CELF1: variants seen among roughly 807,000 people sequenced by gnomAD.
The protein encoded by CELF1 is 50 kDa nuclear polyadenylated RNA-binding protein.
Under a neutral mutation model 61.8 loss-of-function variants are expected in CELF1, and 10 were observed. That is an observed-to-expected ratio of 0.16 (90% confidence interval 0.10 to 0.27). The LOEUF is 0.27. Among genes scored for constraint, CELF1 ranks in the 10% least tolerant of loss-of-function variants. CELF1 has a pLI of 1.00. For missense variants in CELF1, 380 were observed against 639.1 expected, an observed-to-expected ratio of 0.59 and a Z score of 4.37; for synonymous variants, 236 against 225.1, an observed-to-expected ratio of 1.05 and a Z score of -0.43.
At chr11:47,540,017 G>T (rs111569651) in intron 1 of CELF1, among the ~76,000 whole-genome samples, 4 of 152,260 alleles carry the variant, frequency 2.6e-5, no homozygotes, top group African/African-American at 9.6e-5. Flanking sequence ...GATTTGCCCA[G>T]CTTGGGCCAG....
intron 2 of CELF1, among the ~76,000 whole-genome samples, chr11:47,560,142 T>G (rs1417533438): frequency 6.6e-6 from 1 of 151,950 alleles, no homozygotes; most frequent in Non-Finnish European, 1.5e-5. Context: ...TGTACAAACA[T>G]TAGCTGGGCG....
Position 47,499,562 on chromosome 11 carries a change from T to A in CELF1, c.-39A>T, listed in dbSNP as rs768452540. On this transcript the variant is annotated 5_prime_UTR_variant, in exon 3 of 15. Transcript: ENST00000687097. ...CCTTCAGAAGCCAATGATATTAACT[T>A]GCTGCACTTGTCTGATCCACAAATA... 6.8e-7 allele frequency: 1 copy of A among 1,473,368 alleles called. No individual in the cohort carries two copies. The highest frequency in any genetic ancestry group is 1.2e-5 in the South Asian group (1 of 82,664). The allele number at this position is 1,473,368 out of a possible 1,614,324, so 91.3% of individuals were successfully genotyped here. A position where few individuals can be genotyped will look rare whatever the true frequency, so the allele number is the denominator to read the frequency against.
intron 14 of CELF1, among the ~76,000 whole-genome samples, chr11:47,472,717 T>G (rs1364813106): frequency 3.9e-5 from 6 of 152,086 alleles, no homozygotes; most frequent in African/African-American, 1.4e-4. Context: ...CACGTCTGAC[T>G]AATTTTTTGT....
intron 1 of CELF1, among the ~76,000 whole-genome samples, chr11:47,503,686 T>A (rs1198095080): frequency 1.3e-5 from 2 of 152,210 alleles, no homozygotes; most frequent in Non-Finnish European, 2.9e-5. Context: ...ACTTAAATTT[T>A]TGCACAGTAC....
At chr11:47,509,467 C>T (rs1316781698) in intron 1 of CELF1, among the ~76,000 whole-genome samples, 2 of 152,156 alleles carry the variant, frequency 1.3e-5, no homozygotes, top group East Asian at 1.9e-4. Context: ...GGCAGGAGCA[C>T]TGTTTGAGCC....
upstream of CELF1, among the ~76,000 whole-genome samples, chr11:47,553,358 C>T (rs961631097): frequency 1.3e-5 from 2 of 152,146 alleles, no homozygotes; most frequent in African/African-American, 2.4e-5. Flanking sequence ...GAGCCCTCAA[C>T]CTAGGGAGCT....
rs185070539 is a variant in CELF1 at position 47,517,124 on chromosome 11, G to A, written c.-153-16192C>T. ...TAGCTGGGTGTGGTGGCACGTGCCTGTAGTCCCAGTTACTTGGGAAGCTGA... is the reference window on the plus strand; with the variant it reads ...TAGCTGGGTGTGGTGGCACGTGCCTATAGTCCCAGTTACTTGGGAAGCTGA... On this transcript the variant is annotated intron_variant, in intron 1 of 14. Coordinates refer to ENST00000687097, the MANE Select transcript of CELF1 (RefSeq NM_001376376.1). Among the ~76,000 whole-genome samples the A allele has an allele frequency of 3.3e-5, 5 of 152,076 alleles. No homozygotes were observed. In the East Asian group the frequency reaches 9.7e-4, roughly 30 times the overall value.
intron 6 of CELF1, among the ~76,000 whole-genome samples, chr11:47,485,335 C>A (rs1338293427): frequency 6.6e-6 from 1 of 152,144 alleles, no homozygotes; most frequent in Non-Finnish European, 1.5e-5. Context: ...TATGTACCAC[C>A]ACACCCAGCT....
At chr11:47,507,311 C>A (rs920904400) in intron 1 of CELF1, among the ~76,000 whole-genome samples, 1 of 152,086 alleles carries the variant, frequency 6.6e-6, no homozygotes, top group South Asian at 2.1e-4. Flanking sequence ...AATTAAGGAT[C>A]GTGTTATTCA....
intron 3 of CELF1, among the ~76,000 whole-genome samples, chr11:47,489,932 C>CTTTTTTTTTTTTTTTTTTTTTTT (rs530410346): frequency 3.8e-4 from 9 of 23,444 alleles, no homozygotes; most frequent in Admixed American, 1.5e-3. Context: ...AACATACCAT[C>CTTTTTTTTTTTTTTTTTTTTTTT]TTGTTTTTTT....
intron 13 of CELF1, among the ~76,000 whole-genome samples, chr11:47,473,995 C>T (rs2078886490): frequency 6.6e-6 from 1 of 152,056 alleles, no homozygotes; most frequent in African/African-American, 2.4e-5. Flanking sequence ...CAACCTCCGC[C>T]TCCCGGGTTC....
At chr11:47,554,206 C>T (rs892836807), upstream of CELF1, among the ~76,000 whole-genome samples, 1 of 152,006 alleles carries the variant, frequency 6.6e-6, no homozygotes, top group Non-Finnish European at 1.5e-5. Flanking sequence ...AAAAACTAAC[C>T]AGAGTTTTTC....
chr11:47,540,183 G>A (rs968609854), intron 1 of CELF1, among the ~76,000 whole-genome samples: 8 of 152,268 alleles, frequency 5.3e-5, no homozygotes, highest in African/African-American at 1.9e-4. Flanking sequence ...AAATCTTGCT[G>A]AAATAATAAA....
chr11:47,519,858 G>A (rs1314533014), intron 1 of CELF1, among the ~76,000 whole-genome samples: 51 of 146,316 alleles, frequency 3.5e-4, no homozygotes, highest in African/African-American at 6.8e-4. Flanking sequence ...GCCAGACTCC[G>A]TCTCAAAAAA....
chr11:47,490,823 T>C (rs1053956096), intron 3 of CELF1, among the ~76,000 whole-genome samples: 2 of 152,134 alleles, frequency 1.3e-5, no homozygotes, highest in African/African-American at 4.8e-5. Flanking sequence ...GCTGAATCTA[T>C]GAAAGTAGCT....
At chr11:47,519,556 C>G (rs1417422513) in intron 1 of CELF1, among the ~76,000 whole-genome samples, 1 of 152,010 alleles carries the variant, frequency 6.6e-6, no homozygotes, top group East Asian at 1.9e-4. Context: ...TTTCATCACT[C>G]TGCAATTGTG....
intron 2 of CELF1, among the ~76,000 whole-genome samples, chr11:47,558,758 A>T (rs1380168686): frequency 1.9e-5 from 2 of 104,384 alleles, no homozygotes; most frequent in South Asian, 2.6e-4. Flanking sequence ...AATATATATA[A>T]TATATATAAT....
chr11:47,508,918 C>T (rs1353618651), intron 1 of CELF1, among the ~76,000 whole-genome samples: 2 of 152,012 alleles, frequency 1.3e-5, no homozygotes, highest in African/African-American at 4.8e-5. Flanking sequence ...TACAGGCATG[C>T]GCCACCATGC....
At chr11:47,513,294 C>T (rs545110439) in intron 1 of CELF1, among the ~76,000 whole-genome samples, 35 of 152,324 alleles carry the variant, frequency 2.3e-4, no homozygotes, top group African/African-American at 8.2e-4. Flanking sequence ...AAAAGTAACA[C>T]ATATCAGACC....
Sources: allele counts gnomAD v4.1 joint callset (sites outside exome capture counted in the v4.1 genomes callset), GRCh38; gene constraint gnomAD v4.1.1; transcripts MANE v1.5; gene names NCBI Gene and HGNC (gene_info 2026-07-23, HGNC 2026-07-21).